The following RBM20 variants were observed in gnomAD, a reference collection of about 807,000 sequenced individuals.
RBM20 encodes the protein RNA binding motif protein 20.
In RBM20, 51 loss-of-function variants were observed where a neutral mutation model predicts 110.1. That is an observed-to-expected ratio of 0.46 (90% CI 0.37 to 0.59). The LOEUF is 0.59. Ranked by LOEUF, RBM20 falls within the 20% of genes least tolerant of loss-of-function variation. The pLI is 0.00. For synonymous variants in RBM20, 589 were observed against 618.2 expected (o/e 0.95, Z 0.70); for missense variants, 1,512 against 1,574.9 (o/e 0.96, Z 0.68).
chr10:110,713,341 T>C (rs1194527785), intron 1 of RBM20, among the ~76,000 whole-genome samples: 5 of 152,204 alleles, frequency 3.3e-5, no homozygotes, highest in African/African-American at 9.6e-5. Flanking sequence ...TGCTGGTTAT[T>C]AGATAATCTT....
intron 5 of RBM20, among the ~76,000 whole-genome samples, chr10:110,791,758 T>C (rs1844486554): frequency 6.6e-6 from 1 of 152,224 alleles, no homozygotes; most frequent in Non-Finnish European, 1.5e-5. Flanking sequence ...AGGTCAGTGC[T>C]GGCTTGCAGG....
At chr10:110,703,233 C>T (rs977628617) in intron 1 of RBM20, among the ~76,000 whole-genome samples, 4 of 151,510 alleles carry the variant, frequency 2.6e-5, no homozygotes, top group African/African-American at 9.7e-5. Context: ...AAAAAATGAG[C>T]CAGGCATGGT....
chr10:110,754,868 C>T (rs10509930), intron 1 of RBM20, among the ~76,000 whole-genome samples: 5,485 of 152,160 alleles, frequency 0.036, 145 homozygotes, highest in Middle Eastern at 0.054. Context: ...TTATTTCCTT[C>T]TATGCCTGAT....
upstream of RBM20, among the ~76,000 whole-genome samples, chr10:110,644,243 C>T (rs1030305732): frequency 6.6e-6 from 1 of 152,138 alleles, no homozygotes; most frequent in Non-Finnish European, 1.5e-5. The surrounding 1 kb of genome is among the most constrained non-coding windows in gnomAD (Gnocchi z 4.3). Flanking sequence ...CCCTGGCCCC[C>T]GCCCCCGCGT....
chr10:110,760,340 T>C (rs1328969247), intron 1 of RBM20, among the ~76,000 whole-genome samples: 1 of 151,376 alleles, frequency 6.6e-6, no homozygotes, highest in Admixed American at 6.6e-5. Context: ...GGAAAGGGGC[T>C]GTGTTAGACA....
chr10:110,728,979 C>T (rs1327813922), intron 1 of RBM20, among the ~76,000 whole-genome samples: 9 of 152,146 alleles, frequency 5.9e-5, no homozygotes, highest in Admixed American at 1.3e-4. Flanking sequence ...TTCACTGCTC[C>T]CCTGCCCATA....
At chr10:110,643,757 C>G (rs116681787), upstream of RBM20, among the ~76,000 whole-genome samples, 3,809 of 152,324 alleles carry the variant, frequency 0.025, 142 homozygotes, top group African/African-American at 0.082. Flanking sequence ...CATCTGAGAC[C>G]TGGGTTACAA....
chr10:110,650,939 A>T (rs553122246), intron 1 of RBM20, among the ~76,000 whole-genome samples: 1 of 152,308 alleles, frequency 6.6e-6, no homozygotes, highest in East Asian at 1.9e-4. Context: ...GATCAGTCTG[A>T]TATTTTCAGG....
intron 4 of RBM20, 125 bp downstream of exon 4, chr10:110,784,557 A>C (rs1292290664): frequency 3.7e-5 from 29 of 786,908 alleles, no homozygotes; most frequent in Non-Finnish European, 6.3e-5. Flanking sequence ...GAAAGCAAAC[A>C]GATCCCAAGA....
At chr10:110,737,367 C>A (rs1843683538) in intron 1 of RBM20, among the ~76,000 whole-genome samples, 1 of 151,954 alleles carries the variant, frequency 6.6e-6, no homozygotes, top group East Asian at 1.9e-4. Flanking sequence ...CAATAAATTT[C>A]TATTGTTTTT....
intron 1 of RBM20, among the ~76,000 whole-genome samples, chr10:110,666,939 G>A (rs1165925146): frequency 3.9e-5 from 6 of 152,196 alleles, no homozygotes; most frequent in Admixed American, 3.9e-4. Context: ...AAGGATAAGG[G>A]AAGAAAATGG....
chr10:110,794,868 A>G (rs900984151), intron 5 of RBM20, among the ~76,000 whole-genome samples: 1 of 152,158 alleles, frequency 6.6e-6, no homozygotes, highest in African/African-American at 2.4e-5. Context: ...TGTTTTTTCT[A>G]CTACCCAGCA....
At chr10:110,666,082 G>T (rs1488030139) in intron 1 of RBM20, among the ~76,000 whole-genome samples, 4 of 152,060 alleles carry the variant, frequency 2.6e-5, no homozygotes, top group Non-Finnish European at 5.9e-5. Context: ...CTAAAGTATA[G>T]ATTAAATATG....
At position 110,649,048 on chromosome 10, in the gene RBM20, C is replaced by T. The variant is rs1476082700; in HGVS notation, c.191+4403C>T. On this transcript the variant is annotated intron_variant, in intron 1 of 13. Transcript: ENST00000369519. Reference sequence around the variant, plus strand: ...TTTCTATCCATGTATTCTTTTGCTACCTCCTTCGCAGTTTATCTAATTAAT... The same window carrying T: ...TTTCTATCCATGTATTCTTTTGCTATCTCCTTCGCAGTTTATCTAATTAAT... Among the ~76,000 whole-genome samples, 6 of 152,036 alleles carry T rather than the reference C, an allele frequency of 3.9e-5. No homozygotes were observed. The East Asian group carries it at 7.7e-4, about 19-fold the overall frequency.
At chr10:110,806,156 T>C (rs1844691649) in intron 7 of RBM20, among the ~76,000 whole-genome samples, 1 of 151,798 alleles carries the variant, frequency 6.6e-6, no homozygotes, top group Admixed American at 6.6e-5. Flanking sequence ...TAATCCCAGA[T>C]GCTTGGGAAG....
chr10:110,760,630 G>A (rs192481772), intron 1 of RBM20, among the ~76,000 whole-genome samples: 8 of 149,556 alleles, frequency 5.3e-5, no homozygotes, highest in South Asian at 4.3e-4. Context: ...TAGTAGAGAC[G>A]CAGGGTTTCA....
intron 1 of RBM20, among the ~76,000 whole-genome samples, chr10:110,703,767 G>A (rs1459128312): frequency 6.6e-6 from 1 of 152,106 alleles, no homozygotes; most frequent in Non-Finnish European, 1.5e-5. Context: ...CACCTGGCAG[G>A]GACTAATCTG....
chr10:110,689,159 T>C (rs913406428), intron 1 of RBM20, among the ~76,000 whole-genome samples: 1 of 152,224 alleles, frequency 6.6e-6, no homozygotes, highest in African/African-American at 2.4e-5. Flanking sequence ...CATCACCTGA[T>C]ATCATAACCA....
intron 1 of RBM20, among the ~76,000 whole-genome samples, chr10:110,759,674 G>T (rs900549666): frequency 6.6e-6 from 1 of 152,178 alleles, no homozygotes; most frequent in African/African-American, 2.4e-5. Flanking sequence ...TTCGGCTCCA[G>T]CAAGATTGCC....
Sources: allele counts gnomAD v4.1 joint callset (sites outside exome capture counted in the v4.1 genomes callset), GRCh38; gene constraint gnomAD v4.1.1; non-coding constraint Gnocchi (gnomAD v3.1); transcripts MANE v1.5; gene names NCBI Gene and HGNC (gene_info 2026-07-23, HGNC 2026-07-21).